Variants in KCNAB1 observed in about 807,000 individuals in gnomAD.
The protein encoded by KCNAB1 is voltage-gated potassium channel subunit beta-1.
Under a neutral mutation model 64.6 loss-of-function variants are expected in KCNAB1, and 35 were observed. The ratio of observed to expected loss-of-function variants is 0.54; its 90% CI spans 0.41 to 0.72. The LOEUF (loss-of-function observed/expected upper bound fraction) is 0.72. Ranked by LOEUF, KCNAB1 falls within the 30% of genes least tolerant of loss-of-function variation. KCNAB1 has a pLI of 0.00. For synonymous variants in KCNAB1, 177 were observed against 183.8 expected (o/e 0.96, Z 0.30); for missense variants, 401 against 512.9 (o/e 0.78, Z 2.11).
In KCNAB1 at chr3:156,221,775, T is replaced by TCC. The variant is rs1172625958; in HGVS notation, c.275+100896_275+100897dup. On this transcript the variant is annotated intron_variant, in intron 1 of 13. Transcript: ENST00000490337. ...CCTGGGCGAAAAGAGCAAAACTCCA[T>TCC]CCCCCCCCGCCAAAAAAAAAGTTTT... 1.1e-3 allele frequency among the ~76,000 whole-genome samples: 153 copies of TCC among 134,440 alleles called. 2 individuals carry two copies. Among genetic ancestry groups the TCC allele is most frequent in the African/African-American group, 3.8e-3 (136 of 35,696 alleles). The allele number at this position is 134,440 out of a possible 152,430, so 88.2% of individuals were successfully genotyped here.
At chr3:156,296,149 A>G (rs1720763086) in intron 1 of KCNAB1, among the ~76,000 whole-genome samples, 1 of 152,238 alleles carries the variant, frequency 6.6e-6, no homozygotes. Flanking sequence ...AGATTTACAC[A>G]TGATAGATGT....
rs543878095 is a variant in KCNAB1 at position 156,458,987 on chromosome 3, G to A, written c.438-840G>A. 9.2e-5 allele frequency among the ~76,000 whole-genome samples: 14 copies of A among 152,272 alleles called. 1 individual carries two copies. The South Asian group carries it at 2.9e-3, about 32-fold the overall frequency. ...CAGCTAACCCGCATCATGGCTTATT[G>A]CAAGCTATACACTCTAACAAAGACA... On this transcript the variant is annotated intron_variant, in intron 4 of 13. Transcript: ENST00000490337.
At chr3:156,419,558 C>G (rs1715333531) in intron 1 of KCNAB1, among the ~76,000 whole-genome samples, 1 of 151,426 alleles carries the variant, frequency 6.6e-6, no homozygotes, top group South Asian at 2.1e-4. Flanking sequence ...ACTATAGAGA[C>G]TTAGCCTTAG....
At chr3:156,286,961 C>A (rs139119606) in intron 1 of KCNAB1, among the ~76,000 whole-genome samples, 3 of 152,234 alleles carry the variant, frequency 2.0e-5, no homozygotes, top group African/African-American at 4.8e-5. Flanking sequence ...AATGATAACA[C>A]CTTTCCCAGA....
intron 1 of KCNAB1, among the ~76,000 whole-genome samples, chr3:156,403,892 T>TA (rs200824639): frequency 0.058 from 7,898 of 136,540 alleles, 700 homozygotes; most frequent in African/African-American, 0.19. Flanking sequence ...AGACTCTGCC[T>TA]AAAAAAAAAA....
At chr3:156,447,747 A>G (rs1430891585) in intron 2 of KCNAB1, among the ~76,000 whole-genome samples, 1 of 152,180 alleles carries the variant, frequency 6.6e-6, no homozygotes, top group East Asian at 1.9e-4. Flanking sequence ...GCAATGTTGG[A>G]TGCTGCTTAA....
chr3:156,476,378 T>C (rs923411313), intron 8 of KCNAB1, among the ~76,000 whole-genome samples: 1 of 152,106 alleles, frequency 6.6e-6, no homozygotes, highest in Admixed American at 6.6e-5. Context: ...TTCTCACATA[T>C]CGGTGAGAAC....
At chr3:156,125,136 C>CAAA (rs563938669) in intron 1 of KCNAB1, among the ~76,000 whole-genome samples, 1 of 132,640 alleles carries the variant, frequency 7.5e-6, no homozygotes, top group African/African-American at 2.7e-5. Flanking sequence ...ACACTCCACT[C>CAAA]AAAAAAAAAA....
intron 3 of KCNAB1, among the ~76,000 whole-genome samples, chr3:156,454,891 C>T (rs1712281867): frequency 6.6e-6 from 1 of 152,148 alleles, no homozygotes; most frequent in South Asian, 2.1e-4. Flanking sequence ...TGCAATGAGC[C>T]AAGCTTGCCC....
chr3:156,443,246 A>G (rs780959706), intron 2 of KCNAB1, among the ~76,000 whole-genome samples: 3 of 152,170 alleles, frequency 2.0e-5, no homozygotes, highest in Non-Finnish European at 2.9e-5. Flanking sequence ...TCCGCTAAAC[A>G]ATGGGAACAC....
At chr3:156,426,805 A>C (rs1715854446) in intron 2 of KCNAB1, among the ~76,000 whole-genome samples, 1 of 152,212 alleles carries the variant, frequency 6.6e-6, no homozygotes, top group African/African-American at 2.4e-5. Context: ...ATAGTTTGAT[A>C]GTTCATTTCT....
At chr3:156,513,352 A>ATAC (rs1717344504) in intron 8 of KCNAB1, among the ~76,000 whole-genome samples, 1 of 152,166 alleles carries the variant, frequency 6.6e-6, no homozygotes, top group South Asian at 2.1e-4. Flanking sequence ...AATAATAATA[A>ATAC]TAAAAAAATA....
At position 156,120,761 on chromosome 3, in the gene KCNAB1, A is replaced by T; in HGVS notation, c.150A>T (p.Ser50=). The T allele has an allele frequency of 6.2e-7, 1 of 1,614,234 alleles. No individual in the cohort carries two copies. Among genetic ancestry groups the T allele is most frequent in the Admixed American group, 1.7e-5 (1 of 60,026 alleles). ...ENAKDSSLSP[S]GESQLRARQL... ...CTAAAGACAGCAGCCTTAGTCCCTC[A>T]GGGGAAAGCCAGCTCAGGGCGCGTC... Residue 50 remains serine (S), a synonymous_variant, in exon 1 of 14, where the codon TCA becomes TCT. Transcript: ENST00000490337.
chr3:156,494,211 C>T (rs1715840761), intron 8 of KCNAB1, among the ~76,000 whole-genome samples: 1 of 152,086 alleles, frequency 6.6e-6, no homozygotes, highest in Admixed American at 6.6e-5. Context: ...TCTTCTTCCC[C>T]ATTTATTTGT....
intron 2 of KCNAB1, among the ~76,000 whole-genome samples, chr3:156,444,645 G>GC (rs1717267543): frequency 6.6e-6 from 1 of 152,186 alleles, no homozygotes; most frequent in Non-Finnish European, 1.5e-5. Context: ...GGTAGAGAGT[G>GC]CCAAGGGCAA....
chr3:156,419,522 A>G (rs1485241961), intron 1 of KCNAB1, among the ~76,000 whole-genome samples: 4 of 151,814 alleles, frequency 2.6e-5, no homozygotes, highest in Non-Finnish European at 2.9e-5. Flanking sequence ...AAAAAAAAAA[A>G]AAAGAAAGAA....
At chr3:156,312,147 A>T (rs1721951926) in intron 1 of KCNAB1, among the ~76,000 whole-genome samples, 1 of 152,252 alleles carries the variant, frequency 6.6e-6, no homozygotes, top group South Asian at 2.1e-4. Context: ...GCACAATTGC[A>T]GTGTTAAATT....
At position 156,428,488 on chromosome 3, in the gene KCNAB1, T is replaced by TATACACACACAC. The variant is rs1257782168; in HGVS notation, c.319+6830_319+6831insTACACACACACA. Among the ~76,000 whole-genome samples, 83 of 127,564 alleles carry TATACACACACAC rather than the reference T, an allele frequency of 6.5e-4. No homozygotes were observed. The East Asian group carries it at 0.013, about 20-fold the overall frequency. 83.7% of individuals were successfully genotyped at this position (127,564 alleles called of 152,430 possible). A position where few individuals can be genotyped will look rare whatever the true frequency, so the allele number is the denominator to read the frequency against. On this transcript the variant is annotated intron_variant, in intron 2 of 13. Transcript: ENST00000490337. ...GAGCCAATTCCTTATAATTCCTCTA[T>TATACACACACAC]ACACACACACACACACACACACACA...
intron 1 of KCNAB1, among the ~76,000 whole-genome samples, chr3:156,318,296 G>A (rs546343986): frequency 8.2e-4 from 125 of 152,248 alleles, no homozygotes; most frequent in African/African-American, 2.9e-3. Flanking sequence ...ATTTAGAATC[G>A]TGGTTGTTAG....
Sources: allele counts gnomAD v4.1 joint callset (sites outside exome capture counted in the v4.1 genomes callset), GRCh38; gene constraint gnomAD v4.1.1; transcripts MANE v1.5; gene names NCBI Gene and HGNC (gene_info 2026-07-23, HGNC 2026-07-21).